PCNX2: variants seen among roughly 807,000 people sequenced by gnomAD.
The protein encoded by PCNX2 is pecanex 2.
A neutral mutation model predicts 223.8 loss-of-function variants in PCNX2; 168 were observed. That is an observed-to-expected ratio of 0.75 (90% CI 0.66 to 0.85). The LOEUF (loss-of-function observed/expected upper bound fraction) is 0.85, where lower values mean the gene tolerates loss of function less well. Ranked by LOEUF, PCNX2 falls within the 40% of genes least tolerant of loss-of-function variation. The pLI, the probability that PCNX2 is intolerant of heterozygous loss-of-function variation, is 0.00. For synonymous variants in PCNX2, 1,006 were observed against 1,052.6 expected (o/e 0.96, Z 0.86); for missense variants, 2,507 against 2,675.5 (o/e 0.94, Z 1.39).
the PCNX2 span, among the ~76,000 whole-genome samples, chr1:233,318,850 G>A: frequency 3.9e-5 from 6 of 151,946 alleles, no homozygotes; most frequent in Non-Finnish European, 5.9e-5. Context: ...GATTACAAGC[G>A]TGAGCCACTG....
the PCNX2 span, among the ~76,000 whole-genome samples, chr1:233,318,534 T>A: frequency 6.8e-6 from 1 of 147,588 alleles, no homozygotes; most frequent in Non-Finnish European, 1.5e-5. Context: ...ATTGCATCAC[T>A]CCCCCACCAT....
intron 19 of PCNX2, among the ~76,000 whole-genome samples, chr1:233,145,123 C>A (rs1323432530): frequency 1.3e-5 from 2 of 151,898 alleles, no homozygotes; most frequent in African/African-American, 4.8e-5. Context: ...TGCCACCACG[C>A]CCGGCTAATT....
intron 23 of PCNX2, among the ~76,000 whole-genome samples, chr1:233,070,785 C>T (rs1229071391): frequency 6.6e-6 from 1 of 152,102 alleles, no homozygotes. Context: ...GCCTGTAATC[C>T]CAGCACTTTG....
chr1:233,035,937 AG>A (rs1188646149), intron 25 of PCNX2, among the ~76,000 whole-genome samples: 2 of 152,188 alleles, frequency 1.3e-5, no homozygotes, highest in Admixed American at 1.3e-4. Context: ...TATTAACAGG[AG>A]GAGGGCCCCC....
At chr1:233,074,335 C>T (rs1672990489) in intron 23 of PCNX2, among the ~76,000 whole-genome samples, 1 of 152,214 alleles carries the variant, frequency 6.6e-6, no homozygotes, top group African/African-American at 2.4e-5. Flanking sequence ...TGGCTCACGC[C>T]TGTAATCCCA....
intron 19 of PCNX2, among the ~76,000 whole-genome samples, chr1:233,152,603 T>G (rs1219883583): frequency 6.6e-6 from 1 of 152,244 alleles, no homozygotes; most frequent in African/African-American, 2.4e-5. Flanking sequence ...TGAGTTTCAC[T>G]TAATTACTGC....
Position 233,139,926 on chromosome 1 carries a change from T to A in PCNX2, c.3518-71A>T, listed in dbSNP as rs1299025393. ...ATTTTTCTTTAAGTACAGGTAATAA[T>A]AAGTAATATTCCCCCCCTTTAATTC... On this transcript the variant is annotated intron_variant, in intron 19 of 33. Transcript: ENST00000258229. The surrounding 1 kb of genome is among the most constrained non-coding windows in gnomAD (Gnocchi z 4.4). 1 of 1,522,812 alleles carries A rather than the reference T, an allele frequency of 6.6e-7. No homozygotes were observed. Among genetic ancestry groups the A allele is most frequent in the Non-Finnish European group, 8.9e-7 (1 of 1,126,666 alleles). 94.3% of individuals were successfully genotyped at this position (1,522,812 alleles called of 1,614,324 possible).
At chr1:233,137,416 T>C (rs1676874517) in intron 20 of PCNX2, among the ~76,000 whole-genome samples, 1 of 152,246 alleles carries the variant, frequency 6.6e-6, no homozygotes, top group African/African-American at 2.4e-5. Flanking sequence ...AATTGGAATA[T>C]ATGGGTAAAT....
At chr1:233,042,474 C>G (rs1169702752) in intron 25 of PCNX2, among the ~76,000 whole-genome samples, 1 of 152,226 alleles carries the variant, frequency 6.6e-6, no homozygotes, top group African/African-American at 2.4e-5. Context: ...AGTAGTTGCT[C>G]AACTTCTGTG....
intron 8 of PCNX2, chr1:233,241,298 G>A: frequency 1.0e-6 from 1 of 985,420 alleles, no homozygotes; most frequent in Non-Finnish European, 1.2e-6. Flanking sequence ...GTTGCCACCG[G>A]AACAGAACCA....
chr1:233,119,896 G>A (rs1675667618), intron 21 of PCNX2, among the ~76,000 whole-genome samples: 1 of 152,068 alleles, frequency 6.6e-6, no homozygotes, highest in South Asian at 2.1e-4. Context: ...GCTGGGCGCG[G>A]TGGCTAATGC....
chr1:233,032,367 T>G (rs1227569808), intron 25 of PCNX2, among the ~76,000 whole-genome samples: 7 of 152,212 alleles, frequency 4.6e-5, no homozygotes, highest in Non-Finnish European at 4.4e-5. Flanking sequence ...CCTCCCAAAG[T>G]GCTGGGATTA....
intron 25 of PCNX2, among the ~76,000 whole-genome samples, chr1:233,042,907 G>A (rs1025095887): frequency 6.6e-6 from 1 of 152,178 alleles, no homozygotes; most frequent in Non-Finnish European, 1.5e-5. Flanking sequence ...CCTGAAAGGA[G>A]GAATGAAAGA....
intron 12 of PCNX2, among the ~76,000 whole-genome samples, chr1:233,217,092 G>A (rs1465136657): frequency 6.6e-6 from 1 of 152,088 alleles, no homozygotes; most frequent in Non-Finnish European, 1.5e-5. Flanking sequence ...TGGCTAAAGG[G>A]TACAAAGTTT....
At chr1:233,163,915 C>A (rs980315276) in intron 17 of PCNX2, among the ~76,000 whole-genome samples, 1 of 152,114 alleles carries the variant, frequency 6.6e-6, no homozygotes, top group Admixed American at 6.5e-5. Context: ...TATGGATATA[C>A]CACAATGTGT....
chr1:233,187,351 A>G (rs1680165997), intron 15 of PCNX2, among the ~76,000 whole-genome samples: 1 of 152,242 alleles, frequency 6.6e-6, no homozygotes, highest in South Asian at 2.1e-4. Context: ...GGATTCTGGA[A>G]GAGAGAAGAT....
the PCNX2 span, among the ~76,000 whole-genome samples, chr1:233,313,579 G>A: frequency 6.6e-6 from 1 of 151,958 alleles, no homozygotes; most frequent in East Asian, 1.9e-4. Flanking sequence ...GACAGAAAAA[G>A]AGAAAGTGGG....
At chr1:233,067,058 G>A (rs1346249832) in intron 23 of PCNX2, among the ~76,000 whole-genome samples, 1 of 151,972 alleles carries the variant, frequency 6.6e-6, no homozygotes, top group Non-Finnish European at 1.5e-5. Context: ...AACCCCATCT[G>A]AAAGTAACAA....
At chr1:232,994,252 C>A (rs1389547535) in intron 32 of PCNX2, among the ~76,000 whole-genome samples, 1 of 152,240 alleles carries the variant, frequency 6.6e-6, no homozygotes, top group East Asian at 1.9e-4. Flanking sequence ...CTGCCCAAGG[C>A]ATTGGAAGCC....
Sources: gnomAD v4.1 joint callset for allele counts (sites outside exome capture counted in the v4.1 genomes callset) on GRCh38, gnomAD v4.1.1 for gene constraint, Gnocchi (gnomAD v3.1) non-coding constraint, MANE v1.5 for transcripts, NCBI Gene and HGNC (gene_info 2026-07-23, HGNC 2026-07-21) for gene names.